ENOSF1: variants seen among roughly 807,000 people sequenced by gnomAD.
The protein encoded by ENOSF1 is enolase superfamily member 1.
ENOSF1 carries 73 observed loss-of-function variants against 68.2 expected under a neutral mutation model. That is an observed-to-expected ratio of 1.07 (90% CI 0.89 to 1.30). The LOEUF is 1.30. Among genes scored for constraint, ENOSF1 ranks in the 50% most tolerant of loss-of-function variants. ENOSF1 has a pLI of 0.00. For missense variants in ENOSF1, 589 were observed against 554.5 expected (o/e 1.06, Z -0.62); for synonymous variants, 223 against 210.4 (o/e 1.06, Z -0.52).
At chr18:699,377 T>C (rs1450955062) in intron 2 of ENOSF1, among the ~76,000 whole-genome samples, 1 of 151,934 alleles carries the variant, frequency 6.6e-6, no homozygotes, top group Non-Finnish European at 1.5e-5. Flanking sequence ...GGAGGATCAC[T>C]TGAGGTAGGA....
downstream of ENOSF1, among the ~76,000 whole-genome samples, chr18:665,427 A>G (rs1413574379): frequency 1.3e-5 from 2 of 151,186 alleles, no homozygotes; most frequent in Non-Finnish European, 2.9e-5. Flanking sequence ...TAGTCTTGCT[A>G]GCGGTCTATA....
chr18:704,450 A>AAAAAAG (rs2078707146), intron 2 of ENOSF1, among the ~76,000 whole-genome samples: 1 of 150,878 alleles, frequency 6.6e-6, no homozygotes, highest in African/African-American at 2.4e-5. Context: ...GAAAAAAAAA[A>AAAAAAG]AAAAAAAGAA....
intron 2 of ENOSF1, among the ~76,000 whole-genome samples, chr18:697,569 G>A (rs1348844518): frequency 2.6e-5 from 4 of 152,124 alleles, no homozygotes; most frequent in Non-Finnish European, 5.9e-5. Context: ...TGGCCAAAAT[G>A]GCAAAACCCT....
chr18:670,948 G>A lies in ENOSF1; in HGVS notation c.*3357C>T. The A allele has an allele frequency of 6.7e-7, 1 of 1,494,168 alleles. No individual in the cohort carries two copies. 92.6% of individuals were successfully genotyped at this position (1,494,168 alleles called of 1,614,324 possible). On this transcript the variant is annotated 3_prime_UTR_variant, in exon 16 of 16. Coordinates refer to ENST00000647584, the MANE Select transcript of ENOSF1 (RefSeq NM_017512.7). ...CTTTAATATGGGAAAACAAATTGCA[G>A]AGTTTAGTCTCTGATTAGCTTTTAA...
intron 1 of ENOSF1, among the ~76,000 whole-genome samples, chr18:712,044 T>C (rs994466279): frequency 6.6e-6 from 1 of 152,238 alleles, no homozygotes; most frequent in Non-Finnish European, 1.5e-5. Context: ...AGCGCTGTGC[T>C]CTAGGGTTTC....
At chr18:690,854 A>G (rs2077085704) in intron 7 of ENOSF1, 2 of 1,388,212 alleles carry the variant, frequency 1.4e-6, no homozygotes, top group Admixed American at 2.7e-5. Context: ...GTGTAATCCT[A>G]AAGCCAAACT....
intron 1 of ENOSF1, among the ~76,000 whole-genome samples, chr18:707,894 C>T (rs925157178): frequency 2.0e-5 from 3 of 152,024 alleles, no homozygotes; most frequent in Non-Finnish European, 4.4e-5. Context: ...GACTCTCACT[C>T]TGTTCTCCAG....
chr18:711,119 A>G (rs1202726878), intron 1 of ENOSF1, among the ~76,000 whole-genome samples: 1 of 152,178 alleles, frequency 6.6e-6, no homozygotes, highest in Non-Finnish European at 1.5e-5. Flanking sequence ...GCTGTGAGCC[A>G]TGATAGTACC....
At chr18:693,504 CT>C (rs2077412131) in intron 5 of ENOSF1, 1 of 985,234 alleles carries the variant, frequency 1.0e-6, no homozygotes, top group Admixed American at 6.1e-5. Context: ...ATTATAACAT[CT>C]GGCTTTTCAG....
At chr18:696,401 C>T (rs888637920) in intron 3 of ENOSF1, among the ~76,000 whole-genome samples, 12 of 151,870 alleles carry the variant, frequency 7.9e-5, no homozygotes, top group South Asian at 2.1e-4. Flanking sequence ...TTAGTAGAGA[C>T]GGGGTTTCAC....
intron 1 of ENOSF1, 91 bp downstream of exon 1, chr18:712,413 C>T: frequency 1.2e-6 from 1 of 806,382 alleles, no homozygotes. Flanking sequence ...TCCGCGCTTA[C>T]CATGGCGTCC....
intron 9 of ENOSF1, chr18:686,917 CAG>C (rs2076659659): frequency 6.6e-6 from 1 of 152,332 alleles, no homozygotes; most frequent in Non-Finnish European, 1.5e-5. Context: ...CGTGATGCTC[CAG>C]AGAGGGTGGC....
intron 3 of ENOSF1, among the ~76,000 whole-genome samples, chr18:696,202 CTCTTT>C: frequency 7.9e-6 from 1 of 126,658 alleles, no homozygotes; most frequent in Non-Finnish European, 1.6e-5. Flanking sequence ...TTACATCTCT[CTCTTT>C]TTTTTTTTTT....
At chr18:705,880 G>A (rs999268970) in intron 2 of ENOSF1, among the ~76,000 whole-genome samples, 1 of 151,852 alleles carries the variant, frequency 6.6e-6, no homozygotes, top group East Asian at 1.9e-4. Flanking sequence ...ATGGTGGTGG[G>A]AGCCTGTAAT....
chr18:685,019 C>G (rs2076480085), intron 10 of ENOSF1, among the ~76,000 whole-genome samples: 1 of 52,132 alleles, frequency 1.9e-5, no homozygotes, highest in Non-Finnish European at 3.6e-5. Flanking sequence ...ACCACCACAC[C>G]TGGTTAATTT....
chr18:669,449 T>C, downstream of ENOSF1: 2 of 283,678 alleles, frequency 7.1e-6, no homozygotes, highest in Non-Finnish European at 1.4e-5. Flanking sequence ...CTTGGCTCAC[T>C]GTAACCTCTG....
At chr18:695,382 T>C (rs2077612586) in intron 3 of ENOSF1, among the ~76,000 whole-genome samples, 1 of 152,206 alleles carries the variant, frequency 6.6e-6, no homozygotes. Flanking sequence ...TTAGTGTCCA[T>C]TTGCTTTCTC....
At position 671,526 on chromosome 18, in the gene ENOSF1, C is replaced by T; in HGVS notation, c.*2779G>A. On this transcript the variant is annotated 3_prime_UTR_variant, in exon 16 of 16. Coordinates refer to ENST00000647584, the MANE Select transcript of ENOSF1 (RefSeq NM_017512.7). The stretch of plus-strand genomic sequence containing the variant: ...AGGTTGACTGTGGAACAGGCATCTG[C>T]TCAATGCTGTGTCCAAGATAAAGAT... 1 of 927,266 alleles carries T rather than the reference C, an allele frequency of 1.1e-6. No homozygotes were observed. The highest frequency in any genetic ancestry group is 1.8e-6 in the Non-Finnish European group (1 of 561,568). 57.4% of individuals were successfully genotyped at this position (927,266 alleles called of 1,614,324 possible).
Position 677,444 on chromosome 18 carries a change from A to C in ENOSF1, c.1049T>G (p.Ile350Ser), listed in dbSNP as rs776194036. The change falls in exon 14 of 16, where the codon ATT (isoleucine) becomes AGT (serine). Residue 350 changes from isoleucine to serine, a missense_variant and splice_region_variant. Transcript: ENST00000647584. The stretch of plus-strand genomic sequence containing the variant: ...TCCACCAGCATGGGGGCAAACAGGA[A>C]CTAAAAGGAAATCGTTTCTATTTAA... ...SVLLMAKKFE[I>S]PVCPHAGGVG... 6.2e-7 allele frequency: 1 copy of C among 1,611,524 alleles called. No homozygotes were observed. Among genetic ancestry groups the C allele is most frequent in the East Asian group, 2.2e-5 (1 of 44,868 alleles).
Sources: gnomAD v4.1 joint callset for allele counts (sites outside exome capture counted in the v4.1 genomes callset) on GRCh38, gnomAD v4.1.1 for gene constraint, MANE v1.5 for transcripts, NCBI Gene and HGNC (gene_info 2026-07-23, HGNC 2026-07-21) for gene names.